The following NAALADL2 variants were observed in gnomAD, a reference collection of about 807,000 sequenced individuals.
NAALADL2 encodes inactive N-acetylated-alpha-linked acidic dipeptidase-like protein 2.
In NAALADL2, 76 loss-of-function variants were observed where a neutral mutation model predicts 87.2. The observed-to-expected ratio is 0.87, with a 90% CI of 0.72 to 1.05. The LOEUF (loss-of-function observed/expected upper bound fraction) is 1.05, where lower values mean the gene tolerates loss of function less well. Ranked by LOEUF, NAALADL2 falls within the 50% of genes least tolerant of loss-of-function variation. The pLI, the probability that NAALADL2 is intolerant of heterozygous loss-of-function variation, is 0.00. For missense variants in NAALADL2, 1,089 were observed against 945.8 expected, an observed-to-expected ratio of 1.15 and a Z score of -1.99; for synonymous variants, 354 against 331.0, an observed-to-expected ratio of 1.07 and a Z score of -0.75.
intron 2 of NAALADL2, among the ~76,000 whole-genome samples, chr3:174,581,614 G>A (rs1716176173): frequency 6.6e-6 from 1 of 152,138 alleles, no homozygotes; most frequent in South Asian, 2.1e-4. Flanking sequence ...TAGTAAAGAG[G>A]TTTGAAAAAT....
chr3:175,609,724 A>G (rs1228783782), intron 10 of NAALADL2: 1 of 152,172 alleles, frequency 6.6e-6, no homozygotes, highest in Non-Finnish European at 1.5e-5. Context: ...TAGATGCTGG[A>G]CAGCATAGCA....
In NAALADL2 at chr3:175,550,387, C is replaced by T. The variant is rs1714147150; in HGVS notation, c.1654-25654C>T. On this transcript the variant is annotated intron_variant, in intron 9 of 13. Transcript: ENST00000454872. ...AAGGAAGAGGAGAATAAATTTTCCACTTTGAGATACATGGCCCAAGGAAGA... is the reference window on the plus strand; with the variant it reads ...AAGGAAGAGGAGAATAAATTTTCCATTTTGAGATACATGGCCCAAGGAAGA... Among the ~76,000 whole-genome samples, 6 of 152,054 alleles carry T rather than the reference C, an allele frequency of 3.9e-5. No individual in the cohort carries two copies. The South Asian group carries it at 1.0e-3, about 26-fold the overall frequency.
At chr3:175,020,055 A>G (rs1020490618) in intron 1 of NAALADL2, among the ~76,000 whole-genome samples, 1 of 152,044 alleles carries the variant, frequency 6.6e-6, no homozygotes, top group Non-Finnish European at 1.5e-5. Flanking sequence ...ACAATTAACA[A>G]ACAGGAGCAA....
chr3:174,979,570 G>T (rs546541458), intron 1 of NAALADL2, among the ~76,000 whole-genome samples: 8 of 152,014 alleles, frequency 5.3e-5, no homozygotes, highest in Admixed American at 2.6e-4. Flanking sequence ...CTCCCAAAGT[G>T]CTGGGATTAC....
chr3:174,640,849 G>A (rs1451004217), intron 2 of NAALADL2, among the ~76,000 whole-genome samples: 1 of 152,186 alleles, frequency 6.6e-6, no homozygotes, highest in African/African-American at 2.4e-5. Context: ...GCACTCCATT[G>A]TTGAGAGCAT....
chr3:175,174,836 G>GCACA (rs748466711), intron 2 of NAALADL2, among the ~76,000 whole-genome samples: 5,410 of 80,596 alleles, frequency 0.067, 299 homozygotes, highest in African/African-American at 0.15. Flanking sequence ...ACACACACAT[G>GCACA]CACACAGACA....
At chr3:175,464,301 T>C (rs2149271240) in intron 7 of NAALADL2, among the ~76,000 whole-genome samples, 1 of 151,942 alleles carries the variant, frequency 6.6e-6, no homozygotes, top group South Asian at 2.1e-4. Context: ...ATGAAAATGG[T>C]CACCTGCAGC....
chr3:175,573,805 A>G (rs910839497), intron 9 of NAALADL2, among the ~76,000 whole-genome samples: 2 of 152,196 alleles, frequency 1.3e-5, no homozygotes, highest in African/African-American at 2.4e-5. Context: ...AGCTTTGAAA[A>G]GAAGCAAATT....
At chr3:174,597,633 C>T (rs1001668870) in intron 2 of NAALADL2, among the ~76,000 whole-genome samples, 1 of 152,168 alleles carries the variant, frequency 6.6e-6, no homozygotes, top group East Asian at 1.9e-4. Flanking sequence ...ATTTAAAATG[C>T]AAATCTGGTC....
At chr3:175,189,108 A>C (rs1737770225) in intron 2 of NAALADL2, among the ~76,000 whole-genome samples, 1 of 152,174 alleles carries the variant, frequency 6.6e-6, no homozygotes, top group Non-Finnish European at 1.5e-5. Flanking sequence ...GCTATTTGTG[A>C]AAAATCCCAC....
chr3:175,670,438 A>AATTTATATTAAATGTAAATTTAATAT (rs1212859651), intron 11 of NAALADL2, among the ~76,000 whole-genome samples: 1 of 145,428 alleles, frequency 6.9e-6, no homozygotes, highest in African/African-American at 2.6e-5. Context: ...ATTTATATTA[A>AATTTATATTAAATGTAAATTTAATAT]ATTTATATTA....
At chr3:175,653,360 G>A (rs1301963472) in intron 11 of NAALADL2, among the ~76,000 whole-genome samples, 2 of 152,122 alleles carry the variant, frequency 1.3e-5, no homozygotes, top group African/African-American at 4.8e-5. Context: ...GGAATCAAAA[G>A]CAGTCTCAAA....
At position 175,216,668 on chromosome 3, in the gene NAALADL2, C is replaced by CTTTTT. The variant is rs3067029; in HGVS notation, c.546-17249_546-17245dup. Among the ~76,000 whole-genome samples the CTTTTT allele has an allele frequency of 9.9e-3, 867 of 87,206 alleles. 27 individuals are homozygous for CTTTTT. In the East Asian group the frequency reaches 0.11, roughly 11 times the overall value. The allele number at this position is 87,206 out of a possible 152,430, so 57.2% of individuals were successfully genotyped here. A position where few individuals can be genotyped will look rare whatever the true frequency, so the allele number is the denominator to read the frequency against. Reference sequence around the variant, plus strand: ...AATTTTTTTTCTTTTTTTTTCTTTTCTTTTTTTTTTTTTTTTTTGAGAAGG... The same window carrying CTTTTT: ...AATTTTTTTTCTTTTTTTTTCTTTTCTTTTTTTTTTTTTTTTTTTTTTTGAGAAGG... On this transcript the variant is annotated intron_variant, in intron 2 of 13. Transcript: ENST00000454872.
At chr3:175,417,428 A>ATT (rs1489819882) in intron 5 of NAALADL2, among the ~76,000 whole-genome samples, 1 of 152,092 alleles carries the variant, frequency 6.6e-6, no homozygotes, top group East Asian at 1.9e-4. Flanking sequence ...TAATGCTGTC[A>ATT]ACTGGAATAA....
intron 1 of NAALADL2, among the ~76,000 whole-genome samples, chr3:174,547,153 T>C (rs973572967): frequency 2.0e-5 from 3 of 152,196 alleles, no homozygotes; most frequent in African/African-American, 4.8e-5. Flanking sequence ...AAGTTTTCTC[T>C]AGATCATGTT....
rs531546137 is a variant in NAALADL2, at chr3:174,587,884, G to A, written c.-115+37247G>A. Among the ~76,000 whole-genome samples, 8 of 152,154 alleles carry A rather than the reference G, an allele frequency of 5.3e-5. No individual in the cohort carries two copies. In the East Asian group the frequency reaches 1.5e-3, roughly 29 times the overall value. Reference sequence around the variant, plus strand: ...GTTGCTCTTCTTGAGGAGTATCTTTGTGGCGTTCTCTGTATTTCCTGAATT... The same window carrying A: ...GTTGCTCTTCTTGAGGAGTATCTTTATGGCGTTCTCTGTATTTCCTGAATT... On this transcript the variant is annotated intron_variant, in intron 2 of 3. Coordinates refer to the NAALADL2 transcript ENST00000434257.
chr3:175,457,206 T>C (rs934364932), intron 6 of NAALADL2, among the ~76,000 whole-genome samples: 1 of 152,048 alleles, frequency 6.6e-6, no homozygotes, highest in Non-Finnish European at 1.5e-5. Flanking sequence ...CCTACCATGA[T>C]GTAGTTAACT....
intron 3 of NAALADL2, among the ~76,000 whole-genome samples, chr3:175,247,511 G>C (rs953721077): frequency 6.6e-6 from 1 of 152,076 alleles, no homozygotes; most frequent in Admixed American, 6.6e-5. Flanking sequence ...GGGAAAGAGG[G>C]TGTATTTCTA....
intron 1 of NAALADL2, among the ~76,000 whole-genome samples, chr3:175,032,501 A>G (rs1390556324): frequency 6.6e-6 from 1 of 152,054 alleles, no homozygotes; most frequent in African/African-American, 2.4e-5. Flanking sequence ...TAAAGTGTCA[A>G]TACACAAGCA....
Sources: allele counts gnomAD v4.1 joint callset (sites outside exome capture counted in the v4.1 genomes callset), GRCh38; gene constraint gnomAD v4.1.1; transcripts MANE v1.5; gene names NCBI Gene and HGNC (gene_info 2026-07-23, HGNC 2026-07-21).